MAJIN: variants seen among roughly 807,000 people sequenced by gnomAD.
The protein encoded by MAJIN is membrane-anchored junction protein.
A neutral mutation model predicts 30.2 loss-of-function variants in MAJIN; 27 were observed. The ratio of observed to expected loss-of-function variants is 0.89; its 90% confidence interval spans 0.66 to 1.23. The LOEUF is 1.23. Among genes scored for constraint, MAJIN ranks in the 50% most tolerant of loss-of-function variants. The probability of loss-of-function intolerance (pLI) is 0.00; values close to 1 mark genes in which losing one functional copy is unlikely to be tolerated. For missense variants in MAJIN, 253 were observed against 260.3 expected, an observed-to-expected ratio of 0.97 and a Z score of 0.19; for synonymous variants, 78 against 91.6, an observed-to-expected ratio of 0.85 and a Z score of 0.85.
At chr11:64,946,096 G>T (rs1945447452) in intron 8 of MAJIN, 10 of 1,534,792 alleles carry the variant, frequency 6.5e-6, no homozygotes, top group Admixed American at 5.9e-5. Context: ...TTACTCTCCT[G>T]GTTTCCACAG....
At chr11:64,947,933 C>T (rs1945476940) in intron 6 of MAJIN, 114 bp from the exon 7 acceptor site, 1 of 918,220 alleles carries the variant, frequency 1.1e-6, no homozygotes, top group Non-Finnish European at 1.7e-6. Flanking sequence ...GATCTCGGCT[C>T]ACTGCAACCT....
chr11:64,938,451 G>A lies in MAJIN; in HGVS notation c.*124C>T. The A allele has an allele frequency of 6.9e-7, 1 of 1,448,228 alleles. No homozygotes were observed. Among genetic ancestry groups the A allele is most frequent in the East Asian group, 2.5e-5 (1 of 40,406 alleles). 89.7% of individuals were successfully genotyped at this position (1,448,228 alleles called of 1,614,324 possible). On this transcript the variant is annotated 3_prime_UTR_variant, in exon 11 of 11. Transcript: ENST00000301896. The stretch of plus-strand genomic sequence containing the variant: ...ACTGAAGTGTCATAAGAAAAGGATA[G>A]AGTTGGAGGAAGAATGGCTCGGGAG...
At chr11:64,951,728 G>A (rs1238544727) in intron 4 of MAJIN, among the ~76,000 whole-genome samples, 1 of 141,522 alleles carries the variant, frequency 7.1e-6, no homozygotes. Flanking sequence ...TTGCATCACT[G>A]CCCTGTAGCC....
At chr11:64,948,616 T>TATATATAC (rs1945491272) in intron 6 of MAJIN, among the ~76,000 whole-genome samples, 2 of 40,422 alleles carry the variant, frequency 4.9e-5, no homozygotes, top group Admixed American at 7.1e-4. Flanking sequence ...TATATATATA[T>TATATATAC]ATATATATAT....
intron 3 of MAJIN, among the ~76,000 whole-genome samples, chr11:64,955,907 T>C (rs1455421687): frequency 3.3e-5 from 5 of 152,238 alleles, no homozygotes; most frequent in Non-Finnish European, 5.9e-5. Flanking sequence ...GGCTCACGCC[T>C]GTTAATCCCG....
chr11:64,967,132 G>A (rs941542140), intron 1 of MAJIN, among the ~76,000 whole-genome samples: 1 of 151,638 alleles, frequency 6.6e-6, no homozygotes, highest in African/African-American at 2.4e-5. Flanking sequence ...AAAAGGCCAG[G>A]TGCTGTGGCT....
At chr11:64,961,794 T>TC (rs1945731406) in intron 1 of MAJIN, among the ~76,000 whole-genome samples, 2 of 149,436 alleles carry the variant, frequency 1.3e-5, no homozygotes, top group African/African-American at 2.5e-5. Flanking sequence ...TTCTTTTCTT[T>TC]TTTTTTTTTT....
At chr11:64,956,019 G>A (rs925774208) in intron 3 of MAJIN, among the ~76,000 whole-genome samples, 32 of 152,230 alleles carry the variant, frequency 2.1e-4, no homozygotes, top group African/African-American at 7.5e-4. Context: ...ATACAAAAAA[G>A]GCCCGGTGCG....
At chr11:64,958,599 A>G (rs915885479) in intron 3 of MAJIN, among the ~76,000 whole-genome samples, 2 of 39,732 alleles carry the variant, frequency 5.0e-5, no homozygotes, top group South Asian at 5.0e-4. Context: ...GTCTTGGGAG[A>G]AAAAAAAAAA....
At chr11:64,951,187 G>T (rs1945545735) in intron 4 of MAJIN, among the ~76,000 whole-genome samples, 1 of 152,102 alleles carries the variant, frequency 6.6e-6, no homozygotes, top group Admixed American at 6.6e-5. Flanking sequence ...CTACCATCAT[G>T]AATAATGCAT....
chr11:64,959,615 C>T (rs17146508), intron 2 of MAJIN, among the ~76,000 whole-genome samples, 193 bp from the exon 3 acceptor site: 6,952 of 152,200 alleles, frequency 0.046, 183 homozygotes, highest in Middle Eastern at 0.065. Flanking sequence ...GTTGGGATAA[C>T]CTTTATGCTT....
chr11:64,962,383 T>G (rs1296949600), intron 1 of MAJIN, among the ~76,000 whole-genome samples: 1 of 152,108 alleles, frequency 6.6e-6, no homozygotes, highest in Non-Finnish European at 1.5e-5. Flanking sequence ...GGAGTAATGG[T>G]TCAAATATTT....
At chr11:64,951,323 C>G (rs1007407665) in intron 4 of MAJIN, among the ~76,000 whole-genome samples, 3 of 152,078 alleles carry the variant, frequency 2.0e-5, no homozygotes, top group African/African-American at 7.2e-5. Context: ...CGATTAGTCC[C>G]TAATTAAGCT....
chr11:64,946,077 T>C, intron 8 of MAJIN: 2 of 1,531,316 alleles, frequency 1.3e-6, no homozygotes, highest in Non-Finnish European at 1.7e-6. Context: ...TAAGGCTCCA[T>C]TTTAGTACTT....
intron 7 of MAJIN, 109 bp downstream of exon 7, chr11:64,947,679 C>T: frequency 8.0e-7 from 1 of 1,247,496 alleles, no homozygotes; most frequent in Non-Finnish European, 1.2e-6. Context: ...CTGACTGGAC[C>T]TGGGCAGCAA....
chr11:64,968,498 G>C (rs542831461), intron 1 of MAJIN, among the ~76,000 whole-genome samples: 1 of 151,756 alleles, frequency 6.6e-6, no homozygotes, highest in South Asian at 2.1e-4. Flanking sequence ...CGGAGCTCAA[G>C]TGATCTGCCC....
intron 5 of MAJIN, 143 bp downstream of exon 5, chr11:64,950,212 C>T (rs1001216584): frequency 1.4e-6 from 1 of 730,402 alleles, no homozygotes; most frequent in South Asian, 2.0e-5. Context: ...TGCCTGTAAT[C>T]CCAGCTACTG....
chr11:64,947,526 G>C, intron 7 of MAJIN, 61 bp from the exon 8 acceptor site: 1 of 1,518,912 alleles, frequency 6.6e-7, no homozygotes, highest in East Asian at 2.3e-5. Flanking sequence ...AGTTCATGAA[G>C]GCACAGTGAA....
intron 8 of MAJIN, among the ~76,000 whole-genome samples, chr11:64,944,922 G>A (rs946980879): frequency 6.6e-6 from 1 of 152,104 alleles, no homozygotes; most frequent in Non-Finnish European, 1.5e-5. Context: ...AATGGAGGAG[G>A]GGTATCAGAT....
Sources: allele counts gnomAD v4.1 joint callset (sites outside exome capture counted in the v4.1 genomes callset), GRCh38; gene constraint gnomAD v4.1.1; transcripts MANE v1.5; gene names NCBI Gene and HGNC (gene_info 2026-07-23, HGNC 2026-07-21).